ASCC1: variants seen among roughly 807,000 people sequenced by gnomAD.
ASCC1 encodes ASC-1 complex subunit P50.
A neutral mutation model predicts 46.6 loss-of-function variants in ASCC1; 35 were observed. The ratio of observed to expected loss-of-function variants is 0.75; its 90% CI spans 0.57 to 0.99. The LOEUF is 0.99. Ranked by LOEUF, ASCC1 falls within the 50% of genes least tolerant of loss-of-function variation. The probability of loss-of-function intolerance (pLI) is 0.00; values close to 1 mark genes in which losing one functional copy is unlikely to be tolerated. For missense variants in ASCC1, 376 were observed against 428.7 expected (o/e 0.88, Z 1.09); for synonymous variants, 143 against 146.6 (o/e 0.98, Z 0.18).
upstream of ASCC1, chr10:72,217,000 C>T (rs755764562): frequency 2.4e-5 from 11 of 454,984 alleles, no homozygotes; most frequent in African/African-American, 2.0e-4. Context: ...TTCTCTATCT[C>T]CTGCATGACC....
At chr10:72,194,588 C>T (rs58811693) in intron 5 of ASCC1, among the ~76,000 whole-genome samples, 8,437 of 151,040 alleles carry the variant, frequency 0.056, 796 homozygotes, top group African/African-American at 0.19. Flanking sequence ...TAAAATAACC[C>T]ACTAGTGCAG....
chr10:72,147,935 T>C (rs1198376642), intron 7 of ASCC1, among the ~76,000 whole-genome samples: 1 of 152,180 alleles, frequency 6.6e-6, no homozygotes, highest in Non-Finnish European at 1.5e-5. Flanking sequence ...TCTGAAACTC[T>C]TTTAGGGAGT....
At chr10:72,105,974 A>C (rs892210032) in intron 9 of ASCC1, among the ~76,000 whole-genome samples, 1 of 152,116 alleles carries the variant, frequency 6.6e-6, no homozygotes. Context: ...CTCGGGCTAT[A>C]GAACCGAATA....
intron 1 of ASCC1, among the ~76,000 whole-genome samples, chr10:72,214,959 G>GAATC (rs1858897788): frequency 6.6e-6 from 1 of 152,210 alleles, no homozygotes; most frequent in South Asian, 2.1e-4. Flanking sequence ...ATCACTTAAT[G>GAATC]AATCAATAAT....
chr10:72,161,437 T>C lies in ASCC1; in HGVS notation c.626+101A>G, dbSNP rs7070538. Reference sequence around the variant, plus strand: ...GGGCTCCATCAAATCACATGAGTCCTTCCCATGTTATACACCCTCTGGTTC... The same window carrying C: ...GGGCTCCATCAAATCACATGAGTCCCTCCCATGTTATACACCCTCTGGTTC... On this transcript the variant is annotated intron_variant, in intron 6 of 9. Transcript: ENST00000672957. 17,576 of 1,469,614 alleles carry C rather than the reference T, an allele frequency of 0.012. 1,554 individuals are homozygous for C. In the African/African-American group the frequency reaches 0.2, roughly 17 times the overall value. 91.0% of individuals were successfully genotyped at this position (1,469,614 alleles called of 1,614,324 possible).
chr10:72,102,892 T>C (rs1469374251), intron 9 of ASCC1: 1 of 409,800 alleles, frequency 2.4e-6, no homozygotes, highest in Non-Finnish European at 4.9e-6. Context: ...GGAGAATCAC[T>C]TGAACCCGGG....
intron 7 of ASCC1, among the ~76,000 whole-genome samples, chr10:72,148,802 G>T (rs1252138219): frequency 6.6e-6 from 1 of 152,056 alleles, no homozygotes; most frequent in Non-Finnish European, 1.5e-5. Context: ...TTTAATGTAA[G>T]AGAGTATGAA....
At chr10:72,182,467 G>A (rs1852760635) in intron 5 of ASCC1, among the ~76,000 whole-genome samples, 1 of 152,150 alleles carries the variant, frequency 6.6e-6, no homozygotes, top group Non-Finnish European at 1.5e-5. Context: ...TGGGAATGGT[G>A]GCATAGTCTG....
chr10:72,117,867 T>C (rs1438074787), intron 9 of ASCC1, among the ~76,000 whole-genome samples: 1 of 152,162 alleles, frequency 6.6e-6, no homozygotes, highest in Non-Finnish European at 1.5e-5. Flanking sequence ...TGTTAAAATA[T>C]CCAGTCATAG....
At chr10:72,163,302 A>C (rs1299359313) in intron 5 of ASCC1, among the ~76,000 whole-genome samples, 4 of 152,222 alleles carry the variant, frequency 2.6e-5, no homozygotes, top group African/African-American at 7.2e-5. Context: ...AGGGACTCAA[A>C]TACATGTACA....
intron 7 of ASCC1, among the ~76,000 whole-genome samples, chr10:72,145,581 CATTTAATCTTG>C (rs1324985131): frequency 6.6e-6 from 1 of 152,200 alleles, no homozygotes; most frequent in Admixed American, 6.5e-5. Context: ...TTTTAAGTTT[CATTTAATCTTG>C]ATAAAGCAGT....
chr10:72,210,766 G>A lies in ASCC1; in HGVS notation c.178C>T (p.Arg60Trp), dbSNP rs745433495. The A allele has an allele frequency of 5.5e-5, 89 of 1,613,998 alleles. No individual in the cohort carries two copies. The highest frequency in any genetic ancestry group is 6.7e-5 in the Admixed American group (4 of 59,974). Residue 60 changes from arginine to tryptophan, a missense_variant, in exon 3 of 10, where the codon CGG (arginine) becomes TGG (tryptophan). Coordinates refer to ENST00000672957, the MANE Select transcript of ASCC1 (RefSeq NM_001198800.3). The part of the protein sequence containing the change: ...YEVEQTPQGF[R>W]STLRAPSLLY... ...AAGCTGGGGGCCCTCAAAGTAGACC[G>A]GAATCCTTGTGGGGTCTGCTCCACC...
chr10:72,135,768 C>T (rs1846107485), intron 7 of ASCC1, among the ~76,000 whole-genome samples: 1 of 152,164 alleles, frequency 6.6e-6, no homozygotes, highest in South Asian at 2.1e-4. Context: ...GACAGTGGCA[C>T]TGTAAGTGGT....
chr10:72,196,596 AT>A (rs1273688016), intron 5 of ASCC1, among the ~76,000 whole-genome samples: 1 of 151,970 alleles, frequency 6.6e-6, no homozygotes, highest in Non-Finnish European at 1.5e-5. Context: ...ATGTGTTAAA[AT>A]TTTTTAAAGA....
chr10:72,136,930 G>C (rs1184262176), intron 7 of ASCC1, among the ~76,000 whole-genome samples: 1 of 151,500 alleles, frequency 6.6e-6, no homozygotes, highest in Non-Finnish European at 1.5e-5. Context: ...GGACACATCT[G>C]AACATCTGAA....
rs1227883058 is a variant in ASCC1 at position 72,161,757 on chromosome 10, C to A, written c.490-83G>T. ...ATAAAATTGAGTCCCCAAAAATAAACCCACACACCTACAGCCAAGTGATTT... is the reference window on the plus strand; with the variant it reads ...ATAAAATTGAGTCCCCAAAAATAAAACCACACACCTACAGCCAAGTGATTT... On this transcript the variant is annotated intron_variant, in intron 5 of 9. Coordinates refer to ENST00000672957, the MANE Select transcript of ASCC1 (RefSeq NM_001198800.3). 7.2e-6 allele frequency: 11 copies of A among 1,524,912 alleles called. 1 individual carries two copies. In the South Asian group the frequency reaches 1.0e-4, roughly 14 times the overall value. The allele number at this position is 1,524,912 out of a possible 1,614,324, so 94.5% of individuals were successfully genotyped here.
intron 9 of ASCC1, among the ~76,000 whole-genome samples, chr10:72,100,824 A>C (rs1401272768): frequency 6.6e-6 from 1 of 152,184 alleles, no homozygotes; most frequent in Admixed American, 6.5e-5. Context: ...CATCTGATCG[A>C]TAAATATCTG....
At chr10:72,158,732 A>T (rs1008344899) in intron 6 of ASCC1, among the ~76,000 whole-genome samples, 3 of 152,346 alleles carry the variant, frequency 2.0e-5, no homozygotes, top group African/African-American at 7.2e-5. Context: ...CTCCCATTTT[A>T]AAAACCATCA....
At chr10:72,128,332 C>T (rs932235633) in intron 8 of ASCC1, among the ~76,000 whole-genome samples, 165 bp from the exon 9 acceptor site, 7 of 152,224 alleles carry the variant, frequency 4.6e-5, no homozygotes, top group Non-Finnish European at 8.8e-5. Flanking sequence ...GACCTGGCTT[C>T]TAGTCTCAGT....
Sources: allele counts gnomAD v4.1 joint callset (sites outside exome capture counted in the v4.1 genomes callset), GRCh38; gene constraint gnomAD v4.1.1; transcripts MANE v1.5; gene names NCBI Gene and HGNC (gene_info 2026-07-23, HGNC 2026-07-21).